The following PRTG variants were observed in gnomAD, a reference collection of about 807,000 sequenced individuals.
PRTG encodes protogenin, also known as immunoglobulin superfamily, DCC subclass, member 5.
Under a neutral mutation model 122.5 loss-of-function variants are expected in PRTG, and 67 were observed. That is an observed-to-expected ratio of 0.55 (90% CI 0.45 to 0.67). The LOEUF (loss-of-function observed/expected upper bound fraction) is 0.67. PRTG is among the 30% of genes least tolerant of loss of function. PRTG has a pLI of 0.00. For missense variants in PRTG, 1,435 were observed against 1,415.4 expected (o/e 1.01, Z -0.22); for synonymous variants, 554 against 501.1 (o/e 1.11, Z -1.41).
intron 11 of PRTG, among the ~76,000 whole-genome samples, chr15:55,666,868 T>C (rs2059442026): frequency 6.6e-6 from 1 of 152,208 alleles, no homozygotes; most frequent in African/African-American, 2.4e-5. Context: ...AATACCATTA[T>C]CCCTACCTAA....
At chr15:55,733,248 T>C (rs1404203590) in intron 2 of PRTG, among the ~76,000 whole-genome samples, 1 of 152,036 alleles carries the variant, frequency 6.6e-6, no homozygotes, top group African/African-American at 2.4e-5. Context: ...GGCTCACACC[T>C]GTAATCCCAG....
intron 2 of PRTG, among the ~76,000 whole-genome samples, chr15:55,739,267 T>C (rs1199784201): frequency 1.3e-5 from 2 of 149,878 alleles, no homozygotes; most frequent in Non-Finnish European, 3.0e-5. Context: ...TTTTGTATTT[T>C]TTTTTTTTTT....
intron 2 of PRTG, chr15:55,702,885 G>A (rs764617559): frequency 7.0e-5 from 69 of 984,660 alleles, no homozygotes; most frequent in African/African-American, 1.0e-4. Flanking sequence ...ATTGCAATTC[G>A]GGGACAGACC....
At chr15:55,711,972 T>G (rs999604618) in intron 2 of PRTG, among the ~76,000 whole-genome samples, 9 of 152,204 alleles carry the variant, frequency 5.9e-5, no homozygotes, top group African/African-American at 2.2e-4. Context: ...CTCAGGTGAC[T>G]GTTACACAAG....
intron 11 of PRTG, among the ~76,000 whole-genome samples, chr15:55,663,062 A>T (rs976281749): frequency 6.6e-6 from 1 of 152,224 alleles, no homozygotes; most frequent in African/African-American, 2.4e-5. Flanking sequence ...CCTACTCCAG[A>T]GTAAAAGTAC....
intron 2 of PRTG, among the ~76,000 whole-genome samples, chr15:55,723,654 G>A (rs370554802): frequency 6.6e-6 from 1 of 151,254 alleles, no homozygotes; most frequent in Non-Finnish European, 1.5e-5. Context: ...ACAGTTGAGA[G>A]ACAAAAAGAG....
intron 11 of PRTG, among the ~76,000 whole-genome samples, chr15:55,671,124 C>A (rs886717702): frequency 6.6e-6 from 1 of 152,178 alleles, no homozygotes; most frequent in East Asian, 1.9e-4. Flanking sequence ...TGTGTCCCTG[C>A]ATCTGAAAAC....
chr15:55,738,071 A>ATATATATATATATATATATATATATAT (rs1555438618), intron 2 of PRTG: 5 of 105,440 alleles, frequency 4.7e-5, no homozygotes, highest in Non-Finnish European at 8.2e-5. Context: ...TCTTCCTGTA[A>ATATATATATATATATATATATATATAT]ATATATATAT....
rs2059146974 is a variant in PRTG at position 55,617,618 on chromosome 15, T to C, written c.*2394A>G. ...CAAAATGAAAAGGTAAAAAATGTAC[T>C]GTTAAATAATTATCAAATAGTTATA... On this transcript the variant is annotated 3_prime_UTR_variant, in exon 20 of 20. Transcript: ENST00000389286. The C allele has an allele frequency of 6.6e-6, 1 of 152,170 alleles. No individual in the cohort carries two copies. Among genetic ancestry groups the C allele is most frequent in the Non-Finnish European group, 1.5e-5 (1 of 68,018 alleles). The allele number at this position is 152,170 out of a possible 1,614,324, so 9.4% of individuals were successfully genotyped here. A position where few individuals can be genotyped will look rare whatever the true frequency, so the allele number is the denominator to read the frequency against.
intron 2 of PRTG, among the ~76,000 whole-genome samples, chr15:55,716,365 C>A (rs149503695): frequency 6.6e-6 from 1 of 152,288 alleles, no homozygotes; most frequent in East Asian, 1.9e-4. Flanking sequence ...GATAAACAAT[C>A]CATGGGCTGA....
chr15:55,643,211 A>C (rs575452221), intron 11 of PRTG, among the ~76,000 whole-genome samples: 16 of 152,222 alleles, frequency 1.1e-4, no homozygotes, highest in Admixed American at 4.6e-4. Flanking sequence ...AGAATGTTCT[A>C]AATATTTTCA....
Position 55,619,952 on chromosome 15 carries a change from G to T in PRTG, c.*60C>A. 1.3e-6 allele frequency: 2 copies of T among 1,596,520 alleles called. No individual in the cohort carries two copies. The highest frequency in any genetic ancestry group is 1.7e-6 in the Non-Finnish European group (2 of 1,171,258). ...AGTCTGCTCACTAACAGATGACACA[G>T]CAGGGTCTTCACACTTCCTCAATGC... is the stretch of plus-strand genomic sequence containing the variant. On this transcript the variant is annotated 3_prime_UTR_variant, in exon 20 of 20. Coordinates refer to ENST00000389286, the MANE Select transcript of PRTG (RefSeq NM_173814.6).
At chr15:55,738,232 A>G (rs1203842136) in intron 2 of PRTG, 1 of 350,268 alleles carries the variant, frequency 2.9e-6, no homozygotes, top group Non-Finnish European at 5.1e-6. Flanking sequence ...ACATGTAATT[A>G]TTTATTATTA....
chr15:55,677,864 G>A lies in PRTG; in HGVS notation c.1314C>T (p.Ala438=). 1.3e-5 allele frequency: 21 copies of A among 1,613,828 alleles called. No individual in the cohort carries two copies. The highest frequency in any genetic ancestry group is 1.8e-5 in the Non-Finnish European group (21 of 1,179,814). Residue 438 remains alanine, a synonymous_variant, in exon 8 of 20, where the codon GCC becomes GCT. Coordinates refer to ENST00000389286, the MANE Select transcript of PRTG (RefSeq NM_173814.6). ...ETMSSSAILL[A]WERPLYNSDK... ...CTGAATTATAAAGTGGCCTCTCCCA[G>A]GCTAAAAGAATGGCTGAGCTTGACA... is the stretch of plus-strand genomic sequence containing the variant.
chr15:55,702,359 C>T (rs185547509), intron 2 of PRTG, among the ~76,000 whole-genome samples: 1 of 152,152 alleles, frequency 6.6e-6, no homozygotes, highest in East Asian at 1.9e-4. Context: ...TTACTTTCTG[C>T]TCTCATCCAC....
Position 55,641,112 on chromosome 15 carries a change from C to A in PRTG, c.2137+1G>T, listed in dbSNP as rs2059287653. ...AACAAACTGCCATGGCTTTCACTTACACACGCATCCTGGAGTGCTGACAGT... is the reference window on the plus strand; with the variant it reads ...AACAAACTGCCATGGCTTTCACTTAAACACGCATCCTGGAGTGCTGACAGT... On this transcript the variant is annotated splice_donor_variant, in intron 12 of 19. Transcript: ENST00000389286. LOFTEE classifies it high-confidence loss of function. 6.2e-7 allele frequency: 1 copy of A among 1,607,896 alleles called. No homozygotes were observed. Among genetic ancestry groups the A allele is most frequent in the Admixed American group, 1.7e-5 (1 of 59,968 alleles).
rs771081134 is a variant in PRTG at position 55,673,679 on chromosome 15, A to T, written c.1547-3T>A. On this transcript the variant is annotated splice_region_variant and splice_polypyrimidine_tract_variant and intron_variant, in intron 9 of 19. Transcript: ENST00000389286. ...AATTTCAGGAGGTCTCAGGGGAACT[A>T]GTCATAGAAGAAATCAGGTTGTTTA... 10 of 1,609,280 alleles carry T rather than the reference A, an allele frequency of 6.2e-6. No individual in the cohort carries two copies. The African/African-American group carries it at 1.2e-4, about 19-fold the overall frequency.
intron 11 of PRTG, among the ~76,000 whole-genome samples, chr15:55,648,917 T>C (rs1215664320): frequency 3.3e-5 from 5 of 151,662 alleles, no homozygotes. Context: ...GCCAATATGG[T>C]GAAACCCCGT....
rs1213352160 is a variant in PRTG, at chr15:55,612,273, G to A, written c.*7739C>T. 6.6e-6 allele frequency: 1 copy of A among 151,644 alleles called. No individual in the cohort carries two copies. Among genetic ancestry groups the A allele is most frequent in the African/African-American group, 2.4e-5 (1 of 41,308 alleles). The allele number at this position is 151,644 out of a possible 1,614,324, so 9.4% of individuals were successfully genotyped here. On this transcript the variant is annotated 3_prime_UTR_variant, in exon 20 of 20. Coordinates refer to ENST00000389286, the MANE Select transcript of PRTG (RefSeq NM_173814.6). ...CAAGGTCAAGATTTGTAATATTTTT[G>A]TTTTTAAAGACAGTTCCATAGAAAA... is the stretch of plus-strand genomic sequence containing the variant.
Sources: gnomAD v4.1 joint callset for allele counts (sites outside exome capture counted in the v4.1 genomes callset) on GRCh38, gnomAD v4.1.1 for gene constraint, MANE v1.5 for transcripts, NCBI Gene and HGNC (gene_info 2026-07-23, HGNC 2026-07-21) for gene names.